Variants in ZCCHC7 observed in about 807,000 individuals in gnomAD.
ZCCHC7 encodes zinc finger CCHC domain-containing protein 7.
A neutral mutation model predicts 52.0 loss-of-function variants in ZCCHC7; 35 were observed. That is an observed-to-expected ratio of 0.67 (90% confidence interval 0.51 to 0.89). The LOEUF is 0.89. Ranked by LOEUF, ZCCHC7 falls within the 40% of genes least tolerant of loss-of-function variation. The pLI, the probability that ZCCHC7 is intolerant of heterozygous loss-of-function variation, is 0.00. For synonymous variants in ZCCHC7, 217 were observed against 221.5 expected (o/e 0.98, Z 0.18); for missense variants, 574 against 649.1 (o/e 0.88, Z 1.26).
chr9:37,349,713 T>C (rs1821247172), intron 7 of ZCCHC7, among the ~76,000 whole-genome samples: 1 of 152,184 alleles, frequency 6.6e-6, no homozygotes, highest in Non-Finnish European at 1.5e-5. Flanking sequence ...ACAAATATAA[T>C]AGTCAACAGT....
rs1402655001 is a variant in ZCCHC7 at position 37,296,534 on chromosome 9, T to G, written c.611-5654T>G. On this transcript the variant is annotated intron_variant, in intron 2 of 8. Transcript: ENST00000336755. ...AGTACAGGAATAGATATTGAGAAAG[T>G]CCAAAGTTTTGGTTCCTTAAGGATT... Among the ~76,000 whole-genome samples the G allele has an allele frequency of 7.9e-5, 12 of 152,112 alleles. No individual in the cohort carries two copies. The East Asian group carries it at 2.3e-3, about 29-fold the overall frequency.
chr9:37,267,760 G>T (rs920959140), intron 2 of ZCCHC7, among the ~76,000 whole-genome samples: 3 of 151,788 alleles, frequency 2.0e-5, no homozygotes, highest in African/African-American at 7.3e-5. Context: ...TAGTAGAGAT[G>T]GGGTTTCACC....
rs182929121 is a variant in ZCCHC7, at chr9:37,182,823, A to G, written c.610+55881A>G. Among the ~76,000 whole-genome samples, 5 of 152,332 alleles carry G rather than the reference A, an allele frequency of 3.3e-5. No individual in the cohort carries two copies. The East Asian group carries it at 9.6e-4, about 29-fold the overall frequency. On this transcript the variant is annotated intron_variant, in intron 2 of 8. Transcript: ENST00000336755. ...CATGGTGGATACATTGTTAAATCGT[A>G]GTAACATCCTTCTGTGAGCCTAGTG...
At position 37,354,868 on chromosome 9, in the gene ZCCHC7, C is replaced by T. The variant is rs985644396; in HGVS notation, c.1198+44C>T. The T allele has an allele frequency of 7.4e-7, 1 of 1,352,952 alleles. No individual in the cohort carries two copies. Among genetic ancestry groups the T allele is most frequent in the Admixed American group, 1.8e-5 (1 of 54,148 alleles). 83.8% of individuals were successfully genotyped at this position (1,352,952 alleles called of 1,614,324 possible). On this transcript the variant is annotated intron_variant, in intron 8 of 8. Transcript: ENST00000336755. This position sits in a 1 kb window ranked among gnomAD's most constrained non-coding sequence, Gnocchi z 4.0. ...TGTTAGATCACATTTGCAGTAGTTT[C>T]TAAATTTCTTTGTTTGTACTGTCTT...
intron 6 of ZCCHC7, among the ~76,000 whole-genome samples, chr9:37,345,627 G>A (rs1223475422): frequency 6.6e-6 from 1 of 152,018 alleles, no homozygotes; most frequent in Non-Finnish European, 1.5e-5. Context: ...GGCTGAGGCA[G>A]GAGGACAACT....
chr9:37,194,897 C>T (rs773470283), intron 2 of ZCCHC7, among the ~76,000 whole-genome samples: 1 of 151,462 alleles, frequency 6.6e-6, no homozygotes, highest in South Asian at 2.1e-4. Flanking sequence ...TGCTTACTCT[C>T]AGGTGGGTAT....
chr9:37,257,022 A>G (rs1049891912), intron 2 of ZCCHC7, among the ~76,000 whole-genome samples: 1 of 152,238 alleles, frequency 6.6e-6, no homozygotes, highest in Non-Finnish European at 1.5e-5. Context: ...TTATATATAC[A>G]TGGGAGACAC....
In ZCCHC7 at chr9:37,126,554, A is replaced by G; in HGVS notation, c.222A>G (p.Leu74=). The G allele has an allele frequency of 1.2e-6, 2 of 1,614,146 alleles. No homozygotes were observed. The highest frequency in any genetic ancestry group is 2.7e-5 in the African/African-American group (2 of 75,070). ...GTAGTAAACCAAATCAGAAGAAGCT[A>G]ATCGTCCTTTCAGATAGTGAGGTCA... ...SSSSKPNQKK[L]IVLSDSEVIQ... The change falls in exon 2 of 9, where the codon CTA becomes CTG. Residue 74 remains leucine (L), a synonymous_variant. Coordinates refer to ENST00000336755, the MANE Select transcript of ZCCHC7 (RefSeq NM_032226.3).
chr9:37,202,644 C>A (rs575017950), intron 2 of ZCCHC7, among the ~76,000 whole-genome samples: 22 of 152,168 alleles, frequency 1.4e-4, no homozygotes, highest in Middle Eastern at 6.8e-3. Flanking sequence ...CCATGCCCAG[C>A]TAATTTTTAA....
At chr9:37,198,729 C>T (rs897173473) in intron 2 of ZCCHC7, among the ~76,000 whole-genome samples, 1 of 152,104 alleles carries the variant, frequency 6.6e-6, no homozygotes, top group Non-Finnish European at 1.5e-5. Context: ...ATTCTGCAGT[C>T]TCTAGTACAG....
At chr9:37,306,986 A>C (rs982889263) in intron 5 of ZCCHC7, among the ~76,000 whole-genome samples, 2 of 149,854 alleles carry the variant, frequency 1.3e-5, no homozygotes, top group Non-Finnish European at 3.0e-5. Flanking sequence ...GCAGGGTTTC[A>C]CCATGGTCAA....
At chr9:37,204,785 T>C (rs1014889016) in intron 2 of ZCCHC7, among the ~76,000 whole-genome samples, 3 of 152,376 alleles carry the variant, frequency 2.0e-5, no homozygotes, top group Admixed American at 2.0e-4. Context: ...GTCTTGGTTA[T>C]GTGGGCTCTT....
intron 2 of ZCCHC7, among the ~76,000 whole-genome samples, chr9:37,179,896 T>C (rs1041883748): frequency 6.6e-6 from 1 of 152,162 alleles, no homozygotes; most frequent in East Asian, 1.9e-4. Flanking sequence ...ATAGTTGGTA[T>C]TTATTTGAAT....
chr9:37,303,506 C>T (rs1336814556), intron 3 of ZCCHC7, among the ~76,000 whole-genome samples: 1 of 150,994 alleles, frequency 6.6e-6, no homozygotes, highest in Non-Finnish European at 1.5e-5. Context: ...TGATGCATGT[C>T]AGTACCCCTG....
At chr9:37,155,458 T>C (rs970760385) in intron 2 of ZCCHC7, among the ~76,000 whole-genome samples, 1 of 152,240 alleles carries the variant, frequency 6.6e-6, no homozygotes, top group Non-Finnish European at 1.5e-5. Flanking sequence ...GTGCTTTTAA[T>C]ATTACATTTG....
Position 37,164,502 on chromosome 9 carries a change from C to T in ZCCHC7, c.610+37560C>T, listed in dbSNP as rs1003964571. Reference sequence around the variant, plus strand: ...ATAGATAGATAGATAGATAGATAGACAGACAAGATAGATAGACTCTGTCTC... The same window carrying T: ...ATAGATAGATAGATAGATAGATAGATAGACAAGATAGATAGACTCTGTCTC... On this transcript the variant is annotated intron_variant, in intron 2 of 8. Transcript: ENST00000336755. Among the ~76,000 whole-genome samples the T allele has an allele frequency of 1.3e-4, 18 of 140,586 alleles. No homozygotes were observed. The South Asian group carries it at 2.3e-3, about 18-fold the overall frequency. 92.2% of individuals were successfully genotyped at this position (140,586 alleles called of 152,430 possible).
intron 2 of ZCCHC7, among the ~76,000 whole-genome samples, chr9:37,194,679 C>G (rs1823195792): frequency 6.6e-6 from 1 of 152,096 alleles, no homozygotes; most frequent in South Asian, 2.1e-4. Context: ...TTCAGGAAGG[C>G]TTCTGTGTGA....
At chr9:37,325,251 G>A (rs1830196511) in intron 5 of ZCCHC7, among the ~76,000 whole-genome samples, 1 of 152,220 alleles carries the variant, frequency 6.6e-6, no homozygotes, top group Non-Finnish European at 1.5e-5. Context: ...GTTTTCAGTT[G>A]TGTGATTTGA....
At chr9:37,129,922 C>T (rs1842701073) in intron 2 of ZCCHC7, among the ~76,000 whole-genome samples, 1 of 152,096 alleles carries the variant, frequency 6.6e-6, no homozygotes, top group Admixed American at 6.5e-5. Flanking sequence ...TGAGGTAGTA[C>T]TCGTGACTTA....
Sources: allele counts gnomAD v4.1 joint callset (sites outside exome capture counted in the v4.1 genomes callset), GRCh38; gene constraint gnomAD v4.1.1; non-coding constraint Gnocchi (gnomAD v3.1); transcripts MANE v1.5; gene names NCBI Gene and HGNC (gene_info 2026-07-23, HGNC 2026-07-21).